TOX3: variants seen among roughly 807,000 people sequenced by gnomAD.
TOX3 encodes the protein CAG trinucleotide repeat-containing gene F9 protein.
In TOX3, 22 loss-of-function variants were observed where a neutral mutation model predicts 64.3. The ratio of observed to expected loss-of-function variants is 0.34; its 90% CI spans 0.24 to 0.49. TOX3 has a LOEUF of 0.49. TOX3 is among the 20% of genes least tolerant of loss of function. The probability of loss-of-function intolerance (pLI) is 0.99; values close to 1 mark genes in which losing one functional copy is unlikely to be tolerated. For synonymous variants in TOX3, 291 were observed against 273.6 expected, an observed-to-expected ratio of 1.06 and a Z score of -0.63; for missense variants, 661 against 714.4, an observed-to-expected ratio of 0.93 and a Z score of 0.85.
chr16:52,546,419 G>A (rs1963187823), intron 1 of TOX3, among the ~76,000 whole-genome samples: 1 of 152,330 alleles, frequency 6.6e-6, no homozygotes, highest in Admixed American at 6.5e-5. Context: ...GGGAGCGGAG[G>A]GGCTGAGGAG....
rs1362559 is a variant in TOX3, at chr16:52,467,345, C to G, written c.153+1164G>C. On this transcript the variant is annotated intron_variant, in intron 2 of 6. Transcript: ENST00000219746. ...ACCACAAACAACACAGCAGCCAGTG[C>G]CAAACAATATTCCCTTATCTAAACT... is the stretch of plus-strand genomic sequence containing the variant. 4.5e-4 allele frequency among the ~76,000 whole-genome samples: 69 copies of G among 152,230 alleles called. 1 individual carries two copies. The highest frequency in any genetic ancestry group is 1.0e-3 in the South Asian group (5 of 4,824).
intron 1 of TOX3, among the ~76,000 whole-genome samples, chr16:52,495,270 G>A (rs1961813458): frequency 6.6e-6 from 1 of 152,138 alleles, no homozygotes; most frequent in African/African-American, 2.4e-5. Context: ...TCCCCAAAAT[G>A]CAATTCCCTG....
intron 1 of TOX3, among the ~76,000 whole-genome samples, chr16:52,543,240 G>T (rs1019871099): frequency 6.6e-6 from 1 of 152,124 alleles, no homozygotes; most frequent in Admixed American, 6.5e-5. Context: ...CTTAGATCTA[G>T]AAGTTTCAGA....
chr16:52,442,890 G>T (rs1960045354), intron 6 of TOX3, among the ~76,000 whole-genome samples: 3 of 151,872 alleles, frequency 2.0e-5, no homozygotes, highest in Non-Finnish European at 4.4e-5. Flanking sequence ...ATTCTACCTG[G>T]AAGTATTTCT....
intron 1 of TOX3, among the ~76,000 whole-genome samples, chr16:52,541,332 C>T (rs922600752): frequency 2.0e-5 from 3 of 152,114 alleles, no homozygotes; most frequent in Admixed American, 6.6e-5. Flanking sequence ...ATTTGTTGCT[C>T]CTTTAGTTTC....
In TOX3 at chr16:52,546,822, G is replaced by GGA; in HGVS notation, c.-100_-99insTC. The GGA allele has an allele frequency of 7.8e-7, 1 of 1,275,560 alleles. No homozygotes were observed. The highest frequency in any genetic ancestry group is 2.5e-5 in the South Asian group (1 of 39,912). The allele number at this position is 1,275,560 out of a possible 1,614,324, so 79.0% of individuals were successfully genotyped here. ...TAGATCCACCGTCGAGGGCGCCCGG[G>GGA]GGTGGCGCGTGGGACTCGCGGCCGG... is the stretch of plus-strand genomic sequence containing the variant. On this transcript the variant is annotated 5_prime_UTR_variant, in exon 1 of 7. Transcript: ENST00000219746.
At chr16:52,456,718 A>G (rs1960527563) in intron 3 of TOX3, among the ~76,000 whole-genome samples, 1 of 152,252 alleles carries the variant, frequency 6.6e-6, no homozygotes, top group Non-Finnish European at 1.5e-5. Flanking sequence ...ATTAATAAGG[A>G]AACTTTAGAT....
intron 1 of TOX3, among the ~76,000 whole-genome samples, chr16:52,477,786 G>T (rs536629736): frequency 9.2e-5 from 14 of 152,302 alleles, no homozygotes; most frequent in African/African-American, 3.4e-4. Context: ...CATCACAGGG[G>T]TTTTGAGGAT....
At position 52,439,984 on chromosome 16, in the gene TOX3, G is replaced by A. The variant is rs748616223; in HGVS notation, c.988-16C>T. On this transcript the variant is annotated splice_polypyrimidine_tract_variant and intron_variant, in intron 6 of 6. Coordinates refer to ENST00000219746, the MANE Select transcript of TOX3 (RefSeq NM_001080430.4). ...CAGCAGCAGCCTGCATTTTGGGGGAGAAAATTCCAGACTGTTACAACACAT... is the reference window on the plus strand; with the variant it reads ...CAGCAGCAGCCTGCATTTTGGGGGAAAAAATTCCAGACTGTTACAACACAT... 4 of 1,520,140 alleles carry A rather than the reference G, an allele frequency of 2.6e-6. No individual in the cohort carries two copies. The highest frequency in any genetic ancestry group is 2.6e-6 in the Non-Finnish European group (3 of 1,134,104). 94.2% of individuals were successfully genotyped at this position (1,520,140 alleles called of 1,614,324 possible). A position where few individuals can be genotyped will look rare whatever the true frequency, so the allele number is the denominator to read the frequency against.
intron 1 of TOX3, among the ~76,000 whole-genome samples, chr16:52,541,179 G>A (rs985075683): frequency 1.3e-5 from 2 of 152,222 alleles, no homozygotes; most frequent in South Asian, 2.1e-4. Flanking sequence ...GGTGGTTCTT[G>A]TGCATGGTAA....
intron 1 of TOX3, among the ~76,000 whole-genome samples, chr16:52,493,596 T>C (rs902185450): frequency 8.5e-5 from 13 of 152,154 alleles, no homozygotes; most frequent in Non-Finnish European, 8.8e-5. Context: ...TCTCGTTTGT[T>C]CTCCCTAGCC....
chr16:52,496,690 C>T (rs61405747), intron 1 of TOX3, among the ~76,000 whole-genome samples: 1,957 of 152,192 alleles, frequency 0.013, 52 homozygotes, highest in African/African-American at 0.043. Flanking sequence ...TTATGGGAAG[C>T]AAAATCAATT....
chr16:52,483,015 A>T (rs1961408967), intron 1 of TOX3, among the ~76,000 whole-genome samples: 1 of 152,170 alleles, frequency 6.6e-6, no homozygotes, highest in Non-Finnish European at 1.5e-5. Flanking sequence ...AACCCCGTAT[A>T]ATAGGGCCCC....
intron 1 of TOX3, among the ~76,000 whole-genome samples, chr16:52,493,707 T>C (rs1230927079): frequency 6.6e-6 from 1 of 152,152 alleles, no homozygotes; most frequent in Non-Finnish European, 1.5e-5. Flanking sequence ...AGAACAAGGC[T>C]TCTCATCTAA....
intron 1 of TOX3, among the ~76,000 whole-genome samples, chr16:52,471,135 C>G (rs1961034729): frequency 6.6e-6 from 1 of 152,104 alleles, no homozygotes. Context: ...ATCCCATGCA[C>G]TATTTGGGGT....
chr16:52,486,777 G>A (rs1961543578), intron 1 of TOX3, among the ~76,000 whole-genome samples: 1 of 151,952 alleles, frequency 6.6e-6, no homozygotes, highest in Non-Finnish European at 1.5e-5. Flanking sequence ...TACAAAAAAT[G>A]TATTTTAAAT....
At chr16:52,491,373 C>T (rs1978343) in intron 1 of TOX3, among the ~76,000 whole-genome samples, 70,748 of 151,898 alleles carry the variant, frequency 0.47, 16,859 homozygotes, top group East Asian at 0.56. Context: ...AAGCTGTGAG[C>T]GCCCCCAGTA....
intron 1 of TOX3, 97 bp downstream of exon 1, chr16:52,546,540 C>T: frequency 1.7e-6 from 2 of 1,143,782 alleles, no homozygotes; most frequent in Non-Finnish European, 2.4e-6. Context: ...GGAAAGAGGC[C>T]AAAGAAAAGT....
intron 1 of TOX3, among the ~76,000 whole-genome samples, chr16:52,489,916 G>A (rs1961629819): frequency 6.6e-6 from 1 of 151,960 alleles, no homozygotes; most frequent in Non-Finnish European, 1.5e-5. Flanking sequence ...CTTTCTAATG[G>A]TACCAGCAAT....
Sources: allele counts gnomAD v4.1 joint callset (sites outside exome capture counted in the v4.1 genomes callset), GRCh38; gene constraint gnomAD v4.1.1; transcripts MANE v1.5; gene names NCBI Gene and HGNC (gene_info 2026-07-23, HGNC 2026-07-21).